NCOR2: variants seen among roughly 807,000 people sequenced by gnomAD.
NCOR2 encodes the protein CTG repeat protein 26.
A neutral mutation model predicts 262.9 loss-of-function variants in NCOR2; 81 were observed. The ratio of observed to expected loss-of-function variants is 0.31; its 90% CI spans 0.26 to 0.37. The LOEUF is 0.37. Among genes scored for constraint, NCOR2 ranks in the 10% least tolerant of loss-of-function variants. The pLI, the probability that NCOR2 is intolerant of heterozygous loss-of-function variation, is 1.00. For synonymous variants in NCOR2, 1,659 were observed against 1,559.3 expected (o/e 1.06, Z -1.51); for missense variants, 3,385 against 3,621.4 (o/e 0.93, Z 1.68).
chr12:124,437,874 G>A lies in NCOR2; in HGVS notation c.882+56C>T, dbSNP rs112199730. The A allele has an allele frequency of 1.9e-4, 286 of 1,535,440 alleles. No individual in the cohort carries two copies. The African/African-American group carries it at 3.0e-3, about 16-fold the overall frequency. ...CCCCGGCAGGTGTGGCCCCCTGTGC[G>A]CTCGATTCTCCCCAGATCTCAAGGA... is the stretch of plus-strand genomic sequence containing the variant. On this transcript the variant is annotated intron_variant, in intron 8 of 46. Coordinates refer to ENST00000405201, the Ensembl canonical transcript of NCOR2.
chr12:124,345,469 C>G (rs762720536), intron 31 of NCOR2, among the ~76,000 whole-genome samples: 1 of 152,224 alleles, frequency 6.6e-6, no homozygotes, highest in Non-Finnish European at 1.5e-5. Flanking sequence ...GGGGGGGTCA[C>G]AGTCCAGACT....
At position 124,483,764 on chromosome 12, in the gene NCOR2, C is replaced by T; in HGVS notation, c.243G>A (p.Glu81=). The T allele has an allele frequency of 1.2e-6, 2 of 1,600,560 alleles. No individual in the cohort carries two copies. Among genetic ancestry groups the T allele is most frequent in the Non-Finnish European group, 1.7e-6 (2 of 1,173,340 alleles). ...AGTGGGACTCTGGCCGCAGGTGGAG[C>T]TCCTGGGACCTGCAGGAGGTGAGGC... Residue 81 remains glutamate (E), a synonymous_variant, in exon 3 of 47, where the codon GAG becomes GAA. Transcript: ENST00000405201. This position sits in a 1 kb window ranked among gnomAD's most constrained non-coding sequence, Gnocchi z 6.3.
At chr12:124,490,056 G>A (rs1029041593) in intron 1 of NCOR2, among the ~76,000 whole-genome samples, 9 of 152,310 alleles carry the variant, frequency 5.9e-5, no homozygotes, top group East Asian at 3.9e-4. Context: ...CTGCATTCAC[G>A]GGTCTCTCCC....
chr12:124,442,767 T>C (rs2044891091), intron 7 of NCOR2, among the ~76,000 whole-genome samples: 1 of 152,132 alleles, frequency 6.6e-6, no homozygotes, highest in Admixed American at 6.5e-5. Context: ...CCTCAAAACA[T>C]GACCTCATTT....
intron 1 of NCOR2, among the ~76,000 whole-genome samples, chr12:124,520,949 G>C (rs2050150437): frequency 6.6e-6 from 1 of 152,170 alleles, no homozygotes; most frequent in Non-Finnish European, 1.5e-5. Flanking sequence ...TGGGCCAAAG[G>C]GGGTCTGGAA....
At chr12:124,489,013 C>T (rs1315049345) in intron 1 of NCOR2, among the ~76,000 whole-genome samples, 1 of 151,956 alleles carries the variant, frequency 6.6e-6, no homozygotes, top group Non-Finnish European at 1.5e-5. Flanking sequence ...CCCTGGGAGA[C>T]ACTCGGTCCA....
chr12:124,348,140 GCAC>G, intron 29 of NCOR2, 31 bp downstream of exon 31: 1 of 1,605,180 alleles, frequency 6.2e-7, no homozygotes, highest in African/African-American at 1.3e-5. Flanking sequence ...CCACCAGGGG[GCAC>G]CGAGAGATGA....
chr12:124,538,385 G>C (rs1478623826), upstream of NCOR2: 1 of 152,650 alleles, frequency 6.6e-6, no homozygotes, highest in African/African-American at 2.4e-5. Context: ...AGAATCCAGG[G>C]AGATGACTGA....
rs11461339 is a variant in NCOR2, at chr12:124,325,378, C to CCCA, written c.*23_*24insTGG. On this transcript the variant is annotated 3_prime_UTR_variant, in exon 47 of 47. Transcript: ENST00000405201. ...TGTGGCTCGCTGGGACCTGACACCG[C>CCCA]CCCCCCCCCCGCCCTGTTCTGAGTC... 8 of 232,298 alleles carry CCCA rather than the reference C, an allele frequency of 3.4e-5. 1 individual carries two copies. Among genetic ancestry groups the CCCA allele is most frequent in the Non-Finnish European group, 5.2e-5 (8 of 153,606 alleles). 14.4% of individuals were successfully genotyped at this position (232,298 alleles called of 1,614,324 possible). A position where few individuals can be genotyped will look rare whatever the true frequency, so the allele number is the denominator to read the frequency against.
At chr12:124,495,373 G>A (rs960167381), upstream of NCOR2, 57 of 1,438,508 alleles carry the variant, frequency 4.0e-5, no homozygotes, top group East Asian at 1.5e-4. This position sits in a 1 kb window ranked among gnomAD's most constrained non-coding sequence, Gnocchi z 4.4. Context: ...TGGCACCTGC[G>A]GGAAAACAAG....
At chr12:124,341,595 G>C (rs1320269206) in intron 34 of NCOR2, among the ~76,000 whole-genome samples, 1 of 152,104 alleles carries the variant, frequency 6.6e-6, no homozygotes, top group East Asian at 1.9e-4. Context: ...ACAGATGCAC[G>C]CACACCCACT....
exon 13 of NCOR2, chr12:124,420,035 G>C (rs750650853): frequency 1.9e-6 from 3 of 1,613,410 alleles, no homozygotes. Flanking sequence ...GGTAGTAATA[G>C]AGGACGCACT....
Position 124,432,938 on chromosome 12 carries a change from C to A in NCOR2, c.883-2151G>T. On this transcript the variant is annotated intron_variant, in intron 8 of 46. Coordinates refer to ENST00000405201, the Ensembl canonical transcript of NCOR2. The surrounding 1 kb of genome is among the most constrained non-coding windows in gnomAD (Gnocchi z 5.1). ...ACCCCAGTTACTCCACCTCTAACAG[C>A]TGGGGGTGGACAGACGGTGTGATCT... Among the ~76,000 whole-genome samples the A allele has an allele frequency of 6.6e-6, 1 of 152,180 alleles. No individual in the cohort carries two copies. Among genetic ancestry groups the A allele is most frequent in the East Asian group, 1.9e-4 (1 of 5,180 alleles).
chr12:124,423,163 T>C (rs1378965751), intron 11 of NCOR2, among the ~76,000 whole-genome samples: 1 of 152,148 alleles, frequency 6.6e-6, no homozygotes, highest in Non-Finnish European at 1.5e-5. Context: ...CCAGGAGAAT[T>C]ACTGGGAAAC....
chr12:124,503,038 G>A lies in NCOR2; in HGVS notation c.-117-7670C>T, dbSNP rs185183497. Among the ~76,000 whole-genome samples the A allele has an allele frequency of 1.8e-3, 281 of 152,332 alleles. 1 individual carries two copies. Among genetic ancestry groups the A allele is most frequent in the Middle Eastern group, 0.01 (3 of 294 alleles). The stretch of plus-strand genomic sequence containing the variant: ...CCCCAGCCTGTCGTTGGCTCTGCCG[G>A]AGGGGCTGAGGGTCAAATACTAAGA... On this transcript the variant is annotated intron_variant, in intron 1 of 46. Transcript: ENST00000404621. The surrounding 1 kb of genome is among the most constrained non-coding windows in gnomAD (Gnocchi z 4.3).
intron 1 of NCOR2, among the ~76,000 whole-genome samples, chr12:124,506,059 G>A (rs1236910974): frequency 2.0e-5 from 3 of 150,594 alleles, no homozygotes; most frequent in Non-Finnish European, 4.4e-5. Context: ...TCTGCTTCAA[G>A]CCCCCCAGCT....
intron 18 of NCOR2, among the ~76,000 whole-genome samples, chr12:124,377,117 T>G (rs748675262): frequency 6.6e-6 from 1 of 152,180 alleles, no homozygotes; most frequent in Admixed American, 6.5e-5. Flanking sequence ...CCCGGGTCTA[T>G]ACACACTGAT....
chr12:124,479,925 C>G (rs541698025), intron 3 of NCOR2, among the ~76,000 whole-genome samples: 1 of 152,352 alleles, frequency 6.6e-6, no homozygotes, highest in East Asian at 1.9e-4. Flanking sequence ...ACAGACCCAG[C>G]CTCCTTGGGC....
At chr12:124,486,222 G>T (rs2047758874) in intron 2 of NCOR2, among the ~76,000 whole-genome samples, 1 of 152,240 alleles carries the variant, frequency 6.6e-6, no homozygotes, top group Admixed American at 6.5e-5. Context: ...AGAGGCCACT[G>T]AAGTTCCACG....
Sources: gnomAD v4.1 joint callset for allele counts (sites outside exome capture counted in the v4.1 genomes callset) on GRCh38, gnomAD v4.1.1 for gene constraint, Gnocchi (gnomAD v3.1) non-coding constraint, MANE v1.5 for transcripts, NCBI Gene and HGNC (gene_info 2026-07-23, HGNC 2026-07-21) for gene names.